Variants in PPP3CA observed in about 807,000 individuals in gnomAD.
PPP3CA encodes the protein CAM-PRP catalytic subunit.
PPP3CA carries 14 observed loss-of-function variants against 66.5 expected under a neutral mutation model. The ratio of observed to expected loss-of-function variants is 0.21; its 90% confidence interval spans 0.14 to 0.33. PPP3CA has a LOEUF of 0.33. PPP3CA is among the 10% of genes least tolerant of loss of function. The pLI is 1.00. For synonymous variants in PPP3CA, 232 were observed against 226.2 expected, an observed-to-expected ratio of 1.03 and a Z score of -0.23; for missense variants, 317 against 639.5, an observed-to-expected ratio of 0.50 and a Z score of 5.44.
intron 2 of PPP3CA, among the ~76,000 whole-genome samples, chr4:101,183,734 C>T (rs982415148): frequency 2.0e-5 from 3 of 152,054 alleles, no homozygotes; most frequent in African/African-American, 7.2e-5. Context: ...TTTTCTTGAT[C>T]CAAGTTTTTT....
chr4:101,090,679 C>T (rs1029832015), intron 6 of PPP3CA, among the ~76,000 whole-genome samples: 30 of 144,532 alleles, frequency 2.1e-4, no homozygotes, highest in African/African-American at 4.8e-4. Flanking sequence ...TTTAATGAGA[C>T]GAAATAATCA....
intron 2 of PPP3CA, among the ~76,000 whole-genome samples, chr4:101,188,826 G>A (rs1724495786): frequency 6.6e-6 from 1 of 152,096 alleles, no homozygotes; most frequent in African/African-American, 2.4e-5. Flanking sequence ...CACAAAGCCA[G>A]GACTGAACTG....
At chr4:101,105,302 G>A (rs147238607) in intron 3 of PPP3CA, among the ~76,000 whole-genome samples, 8,727 of 151,738 alleles carry the variant, frequency 0.058, 836 homozygotes, top group African/African-American at 0.19. Flanking sequence ...GAGTAGCTGG[G>A]ACTACAGGCG....
At chr4:101,250,681 T>C (rs934889262) in intron 1 of PPP3CA, among the ~76,000 whole-genome samples, 1 of 152,182 alleles carries the variant, frequency 6.6e-6, no homozygotes, top group South Asian at 2.1e-4. Context: ...TAAATTAACA[T>C]AATTAGCTAC....
chr4:101,335,963 G>A lies in PPP3CA; in HGVS notation c.58+10776C>T, dbSNP rs532071853. 9.0e-4 allele frequency among the ~76,000 whole-genome samples: 137 copies of A among 152,318 alleles called. No individual in the cohort carries two copies. The South Asian group carries it at 0.028, about 31-fold the overall frequency. On this transcript the variant is annotated intron_variant, in intron 1 of 13. Transcript: ENST00000394854. ...CTCACACTTGTAATCCCAGCACTTT[G>A]GGAGGCCGAGGTGGGTGGATCACCT...
At chr4:101,316,873 A>T (rs1578659487) in intron 1 of PPP3CA, among the ~76,000 whole-genome samples, 1 of 152,202 alleles carries the variant, frequency 6.6e-6, no homozygotes, top group Non-Finnish European at 1.5e-5. Context: ...TTCTTCTGGA[A>T]GTCAGTCTTA....
chr4:101,325,785 A>C (rs1310992749), intron 1 of PPP3CA, among the ~76,000 whole-genome samples: 1 of 152,166 alleles, frequency 6.6e-6, no homozygotes, highest in Admixed American at 6.5e-5. Flanking sequence ...TCAGGTACAG[A>C]ATTCTAAACA....
intron 1 of PPP3CA, among the ~76,000 whole-genome samples, chr4:101,324,139 GGGAAGGAAGGGAGGGAGGAAGGAA>G: frequency 8.1e-6 from 1 of 122,842 alleles, no homozygotes; most frequent in African/African-American, 3.8e-5. Context: ...AGGGAAGGAA[GGGAAGGAAGGGAGGGAGGAAGGAA>G]GGAAGGAAGG....
chr4:101,269,788 A>G (rs1727280633), intron 1 of PPP3CA, among the ~76,000 whole-genome samples: 1 of 152,194 alleles, frequency 6.6e-6, no homozygotes, highest in Non-Finnish European at 1.5e-5. Flanking sequence ...ACAACATATA[A>G]GTATTTGTAA....
chr4:101,309,099 C>T (rs1212854089), intron 1 of PPP3CA, among the ~76,000 whole-genome samples: 3 of 152,106 alleles, frequency 2.0e-5, no homozygotes, highest in African/African-American at 7.2e-5. Flanking sequence ...TGCACTCCAA[C>T]CAGGGTGAAG....
intron 1 of PPP3CA, among the ~76,000 whole-genome samples, chr4:101,255,244 T>G (rs1203311225): frequency 6.6e-6 from 1 of 151,834 alleles, no homozygotes; most frequent in Non-Finnish European, 1.5e-5. Flanking sequence ...TCACTGCAAA[T>G]CCATATTCAG....
intron 11 of PPP3CA, among the ~76,000 whole-genome samples, chr4:101,038,938 C>T (rs10009613): frequency 0.088 from 13,337 of 152,122 alleles, 1,211 homozygotes; most frequent in African/African-American, 0.22. Context: ...TCAAATAGTC[C>T]ATTTATCACG....
Position 101,029,175 on chromosome 4 carries a change from C to T in PPP3CA, c.1360G>A (p.Ala454Thr). The T allele has an allele frequency of 6.2e-7, 1 of 1,607,202 alleles. No homozygotes were observed. Among genetic ancestry groups the T allele is most frequent in the Non-Finnish European group, 8.5e-7 (1 of 1,174,136 alleles). ...LQSATVEAIE[A>T]DEAIKGFSPQ... ...GGACTGGCCAATTTACCTTCATCAG[C>T]CTCAATAGCCTCAACAGTAGCTGAA... The change falls in exon 13 of 14, where the codon GCT (alanine) becomes ACT (threonine). Residue 454 changes from alanine to threonine, a missense_variant. Physicochemically the swap from Ala to Thr is moderately conservative, Grantham distance 58. Transcript: ENST00000394854.
rs1036133584 is a variant in PPP3CA at position 101,210,160 on chromosome 4, G to C, written c.59-14044C>G. 3.9e-5 allele frequency among the ~76,000 whole-genome samples: 6 copies of C among 152,232 alleles called. No individual in the cohort carries two copies. The East Asian group carries it at 1.2e-3, about 29-fold the overall frequency. On this transcript the variant is annotated intron_variant, in intron 1 of 13. Transcript: ENST00000394854. Reference sequence around the variant, plus strand: ...CATTACCATAGTAACCATCTAGTCTGGTTCCTCAGTTACCCCGTCTGGATT... The same window carrying C: ...CATTACCATAGTAACCATCTAGTCTCGTTCCTCAGTTACCCCGTCTGGATT...
intron 1 of PPP3CA, among the ~76,000 whole-genome samples, chr4:101,238,400 GT>G (rs981328502): frequency 6.6e-6 from 1 of 151,454 alleles, no homozygotes; most frequent in East Asian, 2.0e-4. Context: ...GAAATAACAG[GT>G]TTTTTTACAA....
rs577449506 is a variant in PPP3CA, at chr4:101,284,205, A to C, written c.58+62534T>G. ...TATTGTTTGCTTTATATTTGTATCC[A>C]TAAGCGTAATCAGGAAGTATAACGG... On this transcript the variant is annotated intron_variant, in intron 1 of 13. Transcript: ENST00000394854. Among the ~76,000 whole-genome samples the C allele has an allele frequency of 6.6e-5, 10 of 152,314 alleles. No homozygotes were observed. The South Asian group carries it at 1.7e-3, about 25-fold the overall frequency.
At chr4:101,305,207 C>T (rs1437801112) in intron 1 of PPP3CA, among the ~76,000 whole-genome samples, 3 of 152,154 alleles carry the variant, frequency 2.0e-5, no homozygotes, top group Non-Finnish European at 4.4e-5. Flanking sequence ...TGTTTCTGGG[C>T]ATCTAGGGAA....
chr4:101,128,409 T>A (rs561880981), intron 2 of PPP3CA, among the ~76,000 whole-genome samples: 10 of 152,178 alleles, frequency 6.6e-5, no homozygotes, highest in African/African-American at 2.4e-4. Context: ...ACAATTATCA[T>A]TTGTCAATTA....
chr4:101,033,052 A>ACAT (rs1169238351), intron 11 of PPP3CA, among the ~76,000 whole-genome samples: 1 of 152,106 alleles, frequency 6.6e-6, no homozygotes, highest in Non-Finnish European at 1.5e-5. Context: ...AGTTTTAAGT[A>ACAT]CATCATTATT....
Sources: gnomAD v4.1 joint callset for allele counts (sites outside exome capture counted in the v4.1 genomes callset) on GRCh38, gnomAD v4.1.1 for gene constraint, MANE v1.5 for transcripts, NCBI Gene and HGNC (gene_info 2026-07-23, HGNC 2026-07-21) for gene names.